Variants in STAG1 observed in about 807,000 individuals in gnomAD.
STAG1 encodes the protein cohesin subunit SA-1.
In STAG1, 26 loss-of-function variants were observed where a neutral mutation model predicts 170.9. The observed-to-expected ratio is 0.15, with a 90% CI of 0.11 to 0.21. The LOEUF is 0.21. Among genes scored for constraint, STAG1 ranks in the 10% least tolerant of loss-of-function variants. The pLI, the probability that STAG1 is intolerant of heterozygous loss-of-function variation, is 1.00. For missense variants in STAG1, 964 were observed against 1,509.5 expected (o/e 0.64, Z 5.99); for synonymous variants, 514 against 497.7 (o/e 1.03, Z -0.44).
chr3:136,656,806 T>TA (rs1941392851), intron 1 of STAG1, among the ~76,000 whole-genome samples: 2 of 152,094 alleles, frequency 1.3e-5, no homozygotes, highest in South Asian at 4.1e-4. Context: ...CAAGTAAATT[T>TA]AAAGTAATTT....
Position 136,401,998 on chromosome 3 carries a change from C to T in STAG1, c.2197-3169G>A, listed in dbSNP as rs146288501. On this transcript the variant is annotated intron_variant, in intron 21 of 33. Transcript: ENST00000383202. ...ACCTCAGGTGATCCACCCGCCTCGACCTCCCAAAGTGCTGGGATTACAGGT... is the reference window on the plus strand; with the variant it reads ...ACCTCAGGTGATCCACCCGCCTCGATCTCCCAAAGTGCTGGGATTACAGGT... Among the ~76,000 whole-genome samples, 856 of 152,084 alleles carry T rather than the reference C, an allele frequency of 5.6e-3. 7 individuals are homozygous for T. The highest frequency in any genetic ancestry group is 0.019 in the African/African-American group (798 of 41,484).
intron 1 of STAG1, among the ~76,000 whole-genome samples, chr3:136,645,645 C>A (rs866470216): frequency 6.6e-6 from 1 of 152,332 alleles, no homozygotes; most frequent in Middle Eastern, 3.4e-3. Context: ...TGGGTAAACC[C>A]AAGGTCTTGG....
At chr3:136,643,165 C>T (rs1182690023) in intron 1 of STAG1, among the ~76,000 whole-genome samples, 1 of 152,156 alleles carries the variant, frequency 6.6e-6, no homozygotes, top group Non-Finnish European at 1.5e-5. Context: ...ATCACAAATA[C>T]GACATCTCTC....
At chr3:136,452,663 G>A (rs1359069159) in intron 13 of STAG1, among the ~76,000 whole-genome samples, 1 of 152,052 alleles carries the variant, frequency 6.6e-6, no homozygotes, top group Non-Finnish European at 1.5e-5. Context: ...TGTCCTACAG[G>A]TTAAACTAGA....
intron 5 of STAG1, among the ~76,000 whole-genome samples, chr3:136,542,893 A>G (rs1203170518): frequency 6.6e-6 from 1 of 152,150 alleles, no homozygotes; most frequent in South Asian, 2.1e-4. Context: ...CTTGCAAAAA[A>G]AGTTTCCCGG....
chr3:136,599,534 A>C (rs1267786921), intron 4 of STAG1, among the ~76,000 whole-genome samples: 1 of 152,100 alleles, frequency 6.6e-6, no homozygotes, highest in Non-Finnish European at 1.5e-5. Flanking sequence ...CTGTCTCAAA[A>C]ATAAATAAAA....
intron 16 of STAG1, among the ~76,000 whole-genome samples, chr3:136,430,802 G>GACACAC (rs1355086850): frequency 1.1e-5 from 1 of 88,870 alleles, no homozygotes; most frequent in Admixed American, 1.1e-4. Flanking sequence ...AACAGACATA[G>GACACAC]ACAGACACAC....
intron 29 of STAG1, among the ~76,000 whole-genome samples, chr3:136,344,322 A>C (rs1443398723): frequency 6.6e-6 from 1 of 152,134 alleles, no homozygotes; most frequent in Non-Finnish European, 1.5e-5. Flanking sequence ...AGATTCATTC[A>C]TCCTAGAAGG....
chr3:136,580,521 C>CTTTTTT (rs760635116), intron 4 of STAG1, among the ~76,000 whole-genome samples: 24 of 100,350 alleles, frequency 2.4e-4, no homozygotes, highest in South Asian at 3.5e-4. Context: ...TTGTATAATT[C>CTTTTTT]TTTTTTTTTT....
chr3:136,612,296 T>G (rs1939336528), intron 3 of STAG1, among the ~76,000 whole-genome samples: 1 of 152,060 alleles, frequency 6.6e-6, no homozygotes, highest in African/African-American at 2.4e-5. Context: ...ATCTTTCACT[T>G]TAATAATATG....
chr3:136,578,932 AG>A (rs1166152740), intron 4 of STAG1, among the ~76,000 whole-genome samples: 2 of 152,234 alleles, frequency 1.3e-5, no homozygotes, highest in Non-Finnish European at 2.9e-5. Context: ...TATGGCTAAA[AG>A]GAAGTTCGTG....
At position 136,521,358 on chromosome 3, in the gene STAG1, G is replaced by A. The variant is rs753264209; in HGVS notation, c.531C>T (p.Asn177=). ...TCAGGACTCCAATAAATTCACAAAAGTTTGAACGAAATTTTTTCCACTGAG... is the reference window on the plus strand; with the variant it reads ...TCAGGACTCCAATAAATTCACAAAAATTTGAACGAAATTTTTTCCACTGAG... The part of the protein sequence containing the change: ...PGPQWKKFRS[N]FCEFIGVLIR... The change falls in exon 7 of 34, where the codon AAC becomes AAT. Residue 177 remains asparagine, a synonymous_variant. Coordinates refer to ENST00000383202, the MANE Select transcript of STAG1 (RefSeq NM_005862.3). The A allele has an allele frequency of 7.4e-6, 12 of 1,613,450 alleles. No individual in the cohort carries two copies. Among genetic ancestry groups the A allele is most frequent in the Non-Finnish European group, 9.3e-6 (11 of 1,179,736 alleles).
rs111599538 is a variant in STAG1, at chr3:136,393,826, C to T, written c.2277+4923G>A. Among the ~76,000 whole-genome samples, 26 of 152,250 alleles carry T rather than the reference C, an allele frequency of 1.7e-4. 1 individual carries two copies. Among genetic ancestry groups the T allele is most frequent in the African/African-American group, 6.3e-4 (26 of 41,560 alleles). ...GGTCAGGCTGGTCTCCAACTCCTGA[C>T]CTCAAGTGATCTGCCCACCTTGGCC... is the stretch of plus-strand genomic sequence containing the variant. On this transcript the variant is annotated intron_variant, in intron 22 of 33. Coordinates refer to ENST00000383202, the MANE Select transcript of STAG1 (RefSeq NM_005862.3).
intron 1 of STAG1, among the ~76,000 whole-genome samples, chr3:136,663,557 C>G (rs1664461884): frequency 6.6e-6 from 1 of 152,190 alleles, no homozygotes; most frequent in African/African-American, 2.4e-5. Context: ...ATCATGTTTT[C>G]ATCATTCCTA....
In STAG1 at chr3:136,559,880, A is replaced by G. The variant is rs1036988651; in HGVS notation, c.394+8885T>C. 3.3e-5 allele frequency among the ~76,000 whole-genome samples: 5 copies of G among 152,356 alleles called. No homozygotes were observed. The South Asian group carries it at 1.0e-3, about 32-fold the overall frequency. ...CAATGCCCAACACATCTGTACACACATTAGTAAGTAACTGCAGTTATTTGA... is the reference window on the plus strand; with the variant it reads ...CAATGCCCAACACATCTGTACACACGTTAGTAAGTAACTGCAGTTATTTGA... On this transcript the variant is annotated intron_variant, in intron 5 of 33. Transcript: ENST00000383202.
intron 19 of STAG1, among the ~76,000 whole-genome samples, 161 bp from the exon 20 acceptor site, chr3:136,421,324 T>TGA (rs1463166619): frequency 1.3e-5 from 2 of 152,156 alleles, no homozygotes; most frequent in East Asian, 3.8e-4. Flanking sequence ...CCCATAACTC[T>TGA]AACAACCTAG....
chr3:136,641,481 A>C (rs1940798052), intron 1 of STAG1, among the ~76,000 whole-genome samples: 1 of 152,214 alleles, frequency 6.6e-6, no homozygotes, highest in Non-Finnish European at 1.5e-5. Context: ...GGGCCTCCTA[A>C]TAGGATAAAC....
chr3:136,667,246 T>A (rs1435868072), intron 1 of STAG1, among the ~76,000 whole-genome samples: 1 of 152,066 alleles, frequency 6.6e-6, no homozygotes, highest in Admixed American at 6.6e-5. Context: ...ACACACATGA[T>A]AATAACAGAC....
intron 1 of STAG1, among the ~76,000 whole-genome samples, chr3:136,711,060 A>AAT (rs369140347): frequency 0.016 from 2,331 of 148,428 alleles, 39 homozygotes; most frequent in African/African-American, 0.031. Context: ...CAAAAAGAAA[A>AAT]ATATATATAT....
Sources: allele counts gnomAD v4.1 joint callset (sites outside exome capture counted in the v4.1 genomes callset), GRCh38; gene constraint gnomAD v4.1.1; transcripts MANE v1.5; gene names NCBI Gene and HGNC (gene_info 2026-07-23, HGNC 2026-07-21).